The following LRMDA variants were observed in gnomAD, a reference collection of about 807,000 sequenced individuals.
The protein encoded by LRMDA is leucine rich melanocyte differentiation associated.
LRMDA carries 18 observed loss-of-function variants against 29.8 expected under a neutral mutation model. That is an observed-to-expected ratio of 0.60 (90% CI 0.42 to 0.90). The LOEUF (loss-of-function observed/expected upper bound fraction) is 0.90, where lower values mean the gene tolerates loss of function less well. Among genes scored for constraint, LRMDA ranks in the 40% least tolerant of loss-of-function variants. LRMDA has a pLI of 0.00. For missense variants in LRMDA, 273 were observed against 273.9 expected, an observed-to-expected ratio of 1.00 and a Z score of 0.02; for synonymous variants, 125 against 109.4, an observed-to-expected ratio of 1.14 and a Z score of -0.89.
intron 2 of LRMDA, among the ~76,000 whole-genome samples, chr10:75,645,730 C>A (rs1841511631): frequency 6.6e-6 from 1 of 152,140 alleles, no homozygotes; most frequent in Admixed American, 6.6e-5. Flanking sequence ...TGGACTGAAG[C>A]ACTAGCTGGT....
chr10:75,522,281 T>G (rs974118548), intron 2 of LRMDA, among the ~76,000 whole-genome samples: 5 of 152,166 alleles, frequency 3.3e-5, no homozygotes, highest in Non-Finnish European at 7.4e-5. Flanking sequence ...AAGTTTCATT[T>G]GGGAGTCTGA....
At chr10:76,236,061 C>T (rs749242536) in intron 5 of LRMDA, among the ~76,000 whole-genome samples, 4 of 152,110 alleles carry the variant, frequency 2.6e-5, no homozygotes, top group Non-Finnish European at 4.4e-5. Flanking sequence ...GATCCATTTT[C>T]TAAAACGAGT....
intron 2 of LRMDA, among the ~76,000 whole-genome samples, chr10:75,884,007 C>A (rs1211780925): frequency 6.6e-6 from 1 of 151,814 alleles, no homozygotes; most frequent in Non-Finnish European, 1.5e-5. Context: ...GGGGTTTTGA[C>A]CTTCCATAAG....
intron 2 of LRMDA, among the ~76,000 whole-genome samples, chr10:75,667,712 G>A (rs1841840632): frequency 6.6e-6 from 1 of 152,110 alleles, no homozygotes; most frequent in Non-Finnish European, 1.5e-5. Context: ...GAATCAGCTG[G>A]ATGGAACCAT....
chr10:75,624,641 G>A (rs548318056), intron 2 of LRMDA, among the ~76,000 whole-genome samples: 1 of 152,204 alleles, frequency 6.6e-6, no homozygotes, highest in South Asian at 2.1e-4. Context: ...AAAAGCGGGG[G>A]TTGTGGAATT....
intron 2 of LRMDA, among the ~76,000 whole-genome samples, chr10:75,913,913 C>T (rs890148021): frequency 1.3e-5 from 2 of 152,200 alleles, no homozygotes; most frequent in Admixed American, 1.3e-4. Context: ...AGCTTATCCT[C>T]CAAAAGGCTT....
At chr10:76,422,910 A>G (rs1214759073) in intron 6 of LRMDA, among the ~76,000 whole-genome samples, 1 of 152,232 alleles carries the variant, frequency 6.6e-6, no homozygotes, top group Non-Finnish European at 1.5e-5. Flanking sequence ...AAGAACTTGC[A>G]TTCCTGAATC....
rs186204495 is a variant in LRMDA, at chr10:76,320,117, C to T, written c.517-4284C>T. On this transcript the variant is annotated intron_variant, in intron 5 of 6. Transcript: ENST00000611255. ...TGGTAATCACCGAGTGAAATTCTCGCTTTGCACGTCTGTTGTAGAATACAC... is the reference window on the plus strand; with the variant it reads ...TGGTAATCACCGAGTGAAATTCTCGTTTTGCACGTCTGTTGTAGAATACAC... 1.9e-3 allele frequency among the ~76,000 whole-genome samples: 295 copies of T among 152,314 alleles called. 1 individual carries two copies. The highest frequency in any genetic ancestry group is 6.8e-3 in the Middle Eastern group (2 of 294).
At chr10:75,542,147 G>A (rs1840025375) in intron 2 of LRMDA, among the ~76,000 whole-genome samples, 1 of 152,138 alleles carries the variant, frequency 6.6e-6, no homozygotes, top group Non-Finnish European at 1.5e-5. Context: ...ACCTGACAAA[G>A]GGTGCTGACA....
rs12257241 is a variant in LRMDA at position 75,572,738 on chromosome 10, C to A, written c.131+134244C>A. Reference sequence around the variant, plus strand: ...TTTGAAGATACTATTCTGTTATGAACTGGATTGTTTCTTCCTAAAATTTAT... The same window carrying A: ...TTTGAAGATACTATTCTGTTATGAAATGGATTGTTTCTTCCTAAAATTTAT... On this transcript the variant is annotated intron_variant, in intron 2 of 6. Transcript: ENST00000611255. Among the ~76,000 whole-genome samples, 319 of 152,238 alleles carry A rather than the reference C, an allele frequency of 2.1e-3. 2 individuals carry two copies. The highest frequency in any genetic ancestry group is 0.01 in the Middle Eastern group (3 of 290).
rs200077772 is a variant in LRMDA, at chr10:76,134,623, A to AT, written c.516+75849dup. 1.8e-3 allele frequency among the ~76,000 whole-genome samples: 273 copies of AT among 151,628 alleles called. 1 individual carries two copies. Among genetic ancestry groups the AT allele is most frequent in the African/African-American group, 6.0e-3 (249 of 41,348 alleles). ...TCTATTAAAGGCATCCCATTTATTG[A>AT]TTTTTTTTTCTTTGAAAGAAAGGGT... On this transcript the variant is annotated intron_variant, in intron 5 of 6. Transcript: ENST00000611255.
At chr10:76,334,064 G>A (rs1046278254) in intron 6 of LRMDA, among the ~76,000 whole-genome samples, 3 of 152,170 alleles carry the variant, frequency 2.0e-5, no homozygotes, top group African/African-American at 2.4e-5. Context: ...AGGAACAAAC[G>A]TACAAAAAGC....
intron 2 of LRMDA, among the ~76,000 whole-genome samples, chr10:75,985,739 T>C (rs1166866674): frequency 1.3e-5 from 2 of 151,906 alleles, no homozygotes; most frequent in Non-Finnish European, 2.9e-5. Flanking sequence ...TGGAGGGAGG[T>C]GGGAGGAGTT....
chr10:75,456,876 A>G (rs1335110930), intron 2 of LRMDA, among the ~76,000 whole-genome samples: 1 of 152,110 alleles, frequency 6.6e-6, no homozygotes, highest in African/African-American at 2.4e-5. Context: ...GGGTTTCACC[A>G]TTTTGGCCAG....
chr10:75,914,869 G>A (rs1219892560), intron 2 of LRMDA, among the ~76,000 whole-genome samples: 1 of 152,150 alleles, frequency 6.6e-6, no homozygotes, highest in Non-Finnish European at 1.5e-5. Context: ...ATGACCTCTT[G>A]TGTTGTAACC....
intron 6 of LRMDA, among the ~76,000 whole-genome samples, chr10:76,507,438 A>G (rs1309928826): frequency 6.6e-6 from 1 of 151,912 alleles, no homozygotes. Context: ...TTGCTATGCA[A>G]AACTTTTTAG....
At chr10:75,557,123 G>C (rs1420923803) in intron 2 of LRMDA, among the ~76,000 whole-genome samples, 3 of 151,954 alleles carry the variant, frequency 2.0e-5, no homozygotes, top group Non-Finnish European at 4.4e-5. Flanking sequence ...AGACCAGCCT[G>C]GACAACATGG....
At chr10:76,245,197 T>C (rs1014927294) in intron 5 of LRMDA, among the ~76,000 whole-genome samples, 1 of 152,146 alleles carries the variant, frequency 6.6e-6, no homozygotes, top group South Asian at 2.1e-4. Context: ...CTTATATATA[T>C]CATCCAGGGC....
chr10:76,556,719 T>C (rs530994780), intron 6 of LRMDA, among the ~76,000 whole-genome samples: 12 of 152,342 alleles, frequency 7.9e-5, no homozygotes, highest in Admixed American at 3.3e-4. Flanking sequence ...CAATGCCTGG[T>C]GCCTGCCAGA....
Sources: allele counts gnomAD v4.1 joint callset (sites outside exome capture counted in the v4.1 genomes callset), GRCh38; gene constraint gnomAD v4.1.1; transcripts MANE v1.5; gene names NCBI Gene and HGNC (gene_info 2026-07-23, HGNC 2026-07-21).